DLC1: variants seen among roughly 807,000 people sequenced by gnomAD.
The protein encoded by DLC1 is DLC1 Rho GTPase activating protein.
A neutral mutation model predicts 140.3 loss-of-function variants in DLC1; 54 were observed. The observed-to-expected ratio is 0.38, with a 90% CI of 0.31 to 0.48. The LOEUF is 0.48. Ranked by LOEUF, DLC1 falls within the 20% of genes least tolerant of loss-of-function variation. The probability of loss-of-function intolerance (pLI) is 0.96; values close to 1 mark genes in which losing one functional copy is unlikely to be tolerated. For synonymous variants in DLC1, 986 were observed against 728.1 expected, an observed-to-expected ratio of 1.35 and a Z score of -5.70; for missense variants, 2,536 against 1,907.0, an observed-to-expected ratio of 1.33 and a Z score of -6.14.
intron 5 of DLC1, among the ~76,000 whole-genome samples, chr8:13,154,215 C>T (rs559030140): frequency 7.2e-5 from 11 of 152,372 alleles, no homozygotes; most frequent in African/African-American, 2.2e-4. Context: ...CAGGTGCTTG[C>T]GCTCCTCAGC....
At chr8:13,300,007 C>T (rs1832123968) in intron 5 of DLC1, among the ~76,000 whole-genome samples, 1 of 152,060 alleles carries the variant, frequency 6.6e-6, no homozygotes, top group African/African-American at 2.4e-5. Context: ...GCACTATTCA[C>T]AATAGCAAAG....
At chr8:13,540,388 C>T (rs905802312) in intron 1 of DLC1, among the ~76,000 whole-genome samples, 1 of 152,156 alleles carries the variant, frequency 6.6e-6, no homozygotes, top group Non-Finnish European at 1.5e-5. Context: ...TTTAATCCTT[C>T]TTAATGGATT....
chr8:13,574,100 A>T (rs766884640), intron 1 of DLC1, among the ~76,000 whole-genome samples: 16 of 152,160 alleles, frequency 1.1e-4, no homozygotes, highest in Non-Finnish European at 2.2e-4. Flanking sequence ...GTAATCTGTC[A>T]GTGTTCTGAG....
intron 5 of DLC1, among the ~76,000 whole-genome samples, chr8:13,144,533 A>C (rs1823274899): frequency 6.6e-6 from 1 of 152,148 alleles, no homozygotes; most frequent in Admixed American, 6.6e-5. Flanking sequence ...TGGGAGGCCG[A>C]GGCAGGCAGA....
At chr8:13,120,153 G>A (rs1820918647) in intron 5 of DLC1, among the ~76,000 whole-genome samples, 1 of 150,888 alleles carries the variant, frequency 6.6e-6, no homozygotes. Flanking sequence ...GACCAGCCTG[G>A]CCAACACGGT....
intron 1 of DLC1, among the ~76,000 whole-genome samples, chr8:13,571,274 A>G (rs1022029385): frequency 2.6e-5 from 4 of 152,156 alleles, no homozygotes; most frequent in African/African-American, 9.7e-5. Flanking sequence ...ATTCAGTAGC[A>G]TGACATCCAT....
Position 13,339,752 on chromosome 8 carries a change from C to T in DLC1, c.1315-34450G>A, listed in dbSNP as rs180944425. ...AAATACACAAAGAGATTGTGATTCT[C>T]TCCAAATTAAAATTACTTGTATAGA... On this transcript the variant is annotated intron_variant, in intron 4 of 17. Coordinates refer to ENST00000276297, the MANE Select transcript of DLC1 (RefSeq NM_182643.3). The T allele has an allele frequency of 3.3e-5, 5 of 152,276 alleles. No individual in the cohort carries two copies. In the East Asian group the frequency reaches 9.7e-4, roughly 29 times the overall value. 9.4% of individuals were successfully genotyped at this position (152,276 alleles called of 1,614,324 possible).
chr8:13,430,924 C>T (rs185112883), intron 2 of DLC1, among the ~76,000 whole-genome samples: 1 of 152,222 alleles, frequency 6.6e-6, no homozygotes, highest in East Asian at 1.9e-4. Context: ...AGAGTTATAA[C>T]ATGGCATGTA....
chr8:13,566,697 C>G (rs1804440157), intron 1 of DLC1: 2 of 389,914 alleles, frequency 5.1e-6, no homozygotes, highest in Non-Finnish European at 9.2e-6. Context: ...GACTTTAGCA[C>G]CAAAGAGAAG....
In DLC1 at chr8:13,499,492, A is replaced by G; in HGVS notation, c.580T>C (p.Cys194Arg). The G allele has an allele frequency of 6.2e-7, 1 of 1,614,130 alleles. No homozygotes were observed. The highest frequency in any genetic ancestry group is 8.5e-7 in the Non-Finnish European group (1 of 1,180,006). The stretch of plus-strand genomic sequence containing the variant: ...ATTTCACTTAAGCTTATTTCATTGC[A>G]AAGCTCCAGGCTTTTACTTATAGAG... ...TDSISKSLEL[C>R]NEISLSEIKD... The change falls in exon 2 of 18, where the codon TGC (cysteine) becomes CGC (arginine). Residue 194 changes from cysteine (C) to arginine (R), a missense_variant. Cys to Arg is a radical substitution (Grantham distance 180, BLOSUM62 -3). Transcript: ENST00000276297.
chr8:13,383,486 A>T (rs114217162), intron 4 of DLC1, among the ~76,000 whole-genome samples: 1 of 152,296 alleles, frequency 6.6e-6, no homozygotes, highest in African/African-American at 2.4e-5. Context: ...CTTTGAACAG[A>T]TGCTATCTTT....
At chr8:13,101,969 T>C (rs1373906020) in intron 8 of DLC1, among the ~76,000 whole-genome samples, 13 of 151,962 alleles carry the variant, frequency 8.6e-5, no homozygotes, top group Non-Finnish European at 1.9e-4. Flanking sequence ...GGACAATGAG[T>C]GGCAAGCATG....
At chr8:13,478,688 C>A (rs1800549280) in intron 2 of DLC1, among the ~76,000 whole-genome samples, 1 of 152,182 alleles carries the variant, frequency 6.6e-6, no homozygotes, top group Non-Finnish European at 1.5e-5. Context: ...ATAATATTTC[C>A]TCTACTGAAT....
At chr8:13,457,433 C>G (rs1799445331) in intron 2 of DLC1, among the ~76,000 whole-genome samples, 1 of 152,028 alleles carries the variant, frequency 6.6e-6, no homozygotes, top group Non-Finnish European at 1.5e-5. Flanking sequence ...AATCCCAGCA[C>G]TTTGAGAGGC....
chr8:13,401,450 G>C lies in DLC1; in HGVS notation c.1173+20C>G. The C allele has an allele frequency of 6.2e-7, 1 of 1,611,044 alleles. No homozygotes were observed. Among genetic ancestry groups the C allele is most frequent in the Non-Finnish European group, 8.5e-7 (1 of 1,179,452 alleles). On this transcript the variant is annotated intron_variant, in intron 3 of 17. Transcript: ENST00000276297. ...AGTTACGACTCCTATGGGAAAAGAA[G>C]TAGAAAGTGGAAAGCTCACAGGAAC...
At chr8:13,552,004 CAT>C (rs921473750) in intron 1 of DLC1, among the ~76,000 whole-genome samples, 1 of 128,056 alleles carries the variant, frequency 7.8e-6, no homozygotes, top group Non-Finnish European at 1.7e-5. Flanking sequence ...TGTGTGTGTG[CAT>C]ATATATGTGT....
intron 4 of DLC1, among the ~76,000 whole-genome samples, chr8:13,329,889 T>C (rs757134009): frequency 6.6e-6 from 1 of 152,144 alleles, no homozygotes; most frequent in African/African-American, 2.4e-5. Context: ...ACAAAGTCCA[T>C]GTTTAATACT....
intron 2 of DLC1, among the ~76,000 whole-genome samples, chr8:13,439,123 G>A (rs1047984773): frequency 1.1e-4 from 16 of 152,090 alleles, no homozygotes; most frequent in African/African-American, 2.9e-4. Context: ...TCAAGAGTTC[G>A]AGACCATCCT....
At chr8:13,362,324 T>G (rs138840531) in intron 4 of DLC1, among the ~76,000 whole-genome samples, 16 of 152,290 alleles carry the variant, frequency 1.1e-4, no homozygotes, top group Middle Eastern at 3.4e-3. Context: ...TCATAGAGTC[T>G]GGCTTGGAAA....
Sources: allele counts gnomAD v4.1 joint callset (sites outside exome capture counted in the v4.1 genomes callset), GRCh38; gene constraint gnomAD v4.1.1; transcripts MANE v1.5; gene names NCBI Gene and HGNC (gene_info 2026-07-23, HGNC 2026-07-21).